Variants in MYO18B observed in about 807,000 individuals in gnomAD.
The protein encoded by MYO18B is unconventional myosin-XVIIIb.
A neutral mutation model predicts 273.0 loss-of-function variants in MYO18B; 204 were observed. The ratio of observed to expected loss-of-function variants is 0.75; its 90% CI spans 0.67 to 0.84. The LOEUF (loss-of-function observed/expected upper bound fraction) is 0.84, where lower values mean the gene tolerates loss of function less well. Among genes scored for constraint, MYO18B ranks in the 40% least tolerant of loss-of-function variants. The pLI, the probability that MYO18B is intolerant of heterozygous loss-of-function variation, is 0.00. For synonymous variants in MYO18B, 1,330 were observed against 1,305.7 expected (o/e 1.02, Z -0.40); for missense variants, 3,212 against 3,287.6 (o/e 0.98, Z 0.56).
chr22:25,755,211 T>G (rs1601597552), intron 1 of MYO18B, among the ~76,000 whole-genome samples: 1 of 152,218 alleles, frequency 6.6e-6, no homozygotes, highest in East Asian at 1.9e-4. Flanking sequence ...AAATTTTATT[T>G]TATTTTTTTT....
intron 28 of MYO18B, chr22:25,897,935 AATCCTCACAT>A (rs2091845654): frequency 5.7e-6 from 1 of 175,726 alleles, no homozygotes; most frequent in South Asian, 1.6e-4. Context: ...CTCTGTGGCT[AATCCTCACAT>A]ATCCCTTCTG....
intron 29 of MYO18B, 140 bp downstream of exon 29, chr22:25,898,601 C>T (rs2091864136): frequency 1.2e-6 from 1 of 843,376 alleles, no homozygotes; most frequent in Admixed American, 2.7e-5. Flanking sequence ...TGTCCCGTCA[C>T]ACCTTATTCC....
the MYO18B span, among the ~76,000 whole-genome samples, chr22:26,040,463 A>G: frequency 6.6e-6 from 1 of 152,164 alleles, no homozygotes; most frequent in East Asian, 1.9e-4. Flanking sequence ...TTTACATGAT[A>G]GTTGGGGGTG....
chr22:25,806,278 C>A (rs1405101777), intron 12 of MYO18B, among the ~76,000 whole-genome samples: 1 of 152,208 alleles, frequency 6.6e-6, no homozygotes, highest in Non-Finnish European at 1.5e-5. Flanking sequence ...CACTGAACGA[C>A]AACCACTCGG....
At chr22:25,790,111 C>G (rs1209831841) in intron 11 of MYO18B, among the ~76,000 whole-genome samples, 7 of 152,176 alleles carry the variant, frequency 4.6e-5, no homozygotes. Flanking sequence ...CGAGATTGCG[C>G]CACTGCACTC....
intron 12 of MYO18B, among the ~76,000 whole-genome samples, chr22:25,801,682 G>A (rs1332550043): frequency 6.6e-6 from 1 of 152,182 alleles, no homozygotes; most frequent in African/African-American, 2.4e-5. Context: ...ACCTTCCAGA[G>A]TGGGGTTTGG....
rs576889690 is a variant in MYO18B at position 25,762,347 on chromosome 22, T to C, written c.40-884T>C. On this transcript the variant is annotated intron_variant, in intron 2 of 43. Transcript: ENST00000335473. ...ACACACAGCAAGTCTTTACCATACA[T>C]GCACAGAGGTTCTTGATAAGGAGGC... is the stretch of plus-strand genomic sequence containing the variant. 6.6e-5 allele frequency among the ~76,000 whole-genome samples: 10 copies of C among 152,368 alleles called. No individual in the cohort carries two copies. In the East Asian group the frequency reaches 1.9e-3, roughly 29 times the overall value.
At position 26,023,723 on chromosome 22, in the gene MYO18B, G is replaced by C. The variant is rs1002674018; in HGVS notation, c.6471-2722G>C. Among the ~76,000 whole-genome samples the C allele has an allele frequency of 5.7e-4, 86 of 152,160 alleles. 1 individual carries two copies. The highest frequency in any genetic ancestry group is 5.6e-3 in the Admixed American group (86 of 15,286). On this transcript the variant is annotated intron_variant, in intron 42 of 43. Transcript: ENST00000335473. ...TCCAAGACACTCATTCATCACACCC[G>C]CCTCCTTTCAGGGCCAGGACAGGAT...
rs756954119 is a variant in MYO18B at position 25,902,583 on chromosome 22, G to C, written c.4824-30G>C. 17 of 1,596,256 alleles carry C rather than the reference G, an allele frequency of 1.1e-5. No homozygotes were observed. In the Admixed American group the frequency reaches 2.9e-4, roughly 27 times the overall value. ...TCACTCCCCTGCCCACCTGCCTACG[G>C]GGCCCTGACACGTGCTCTGCTTTGC... On this transcript the variant is annotated intron_variant, in intron 29 of 43. Coordinates refer to ENST00000335473, the MANE Select transcript of MYO18B (RefSeq NM_032608.7).
At chr22:25,745,759 A>G (rs984719020) in intron 1 of MYO18B, among the ~76,000 whole-genome samples, 1 of 152,192 alleles carries the variant, frequency 6.6e-6, no homozygotes, top group African/African-American at 2.4e-5. Context: ...TTCAAGGTTC[A>G]GGGTTTCAAG....
At chr22:25,889,493 G>A (rs569045795) in intron 25 of MYO18B, among the ~76,000 whole-genome samples, 17 of 152,180 alleles carry the variant, frequency 1.1e-4, no homozygotes, top group Admixed American at 1.0e-3. Context: ...CTCCAGAGCA[G>A]GAGGGAATGT....
intron 6 of MYO18B, among the ~76,000 whole-genome samples, chr22:25,771,651 C>T (rs984771738): frequency 2.0e-5 from 3 of 152,154 alleles, no homozygotes; most frequent in African/African-American, 4.8e-5. Context: ...CTTTCTCTCC[C>T]GCGTTGGGCA....
At position 25,954,791 on chromosome 22, in the gene MYO18B, A is replaced by C. The variant is rs369352059; in HGVS notation, c.5971-388A>C. On this transcript the variant is annotated intron_variant, in intron 38 of 43. Transcript: ENST00000335473. The stretch of plus-strand genomic sequence containing the variant: ...CAGTGGCGTGATCTTGGCTCACTAC[A>C]ACCTCCACCTCCCAGGTTCAGGCAA... Among the ~76,000 whole-genome samples, 29 of 152,150 alleles carry C rather than the reference A, an allele frequency of 1.9e-4. No homozygotes were observed. The East Asian group carries it at 5.0e-3, about 26-fold the overall frequency.
At chr22:25,811,168 T>G (rs980033220) in intron 12 of MYO18B, among the ~76,000 whole-genome samples, 18 of 150,728 alleles carry the variant, frequency 1.2e-4, no homozygotes, top group Admixed American at 1.1e-3. Flanking sequence ...TGGCCGCCAC[T>G]GTGCCCGGCT....
chr22:25,762,288 A>G (rs892783707), intron 2 of MYO18B, among the ~76,000 whole-genome samples: 2 of 152,154 alleles, frequency 1.3e-5, no homozygotes, highest in Admixed American at 6.5e-5. Context: ...GGCCTTTGCT[A>G]TCTCCTTTGA....
At chr22:25,743,874 G>T (rs528009163) in intron 1 of MYO18B, among the ~76,000 whole-genome samples, 1 of 152,158 alleles carries the variant, frequency 6.6e-6, no homozygotes, top group East Asian at 1.9e-4. Flanking sequence ...TTGAAGTGAC[G>T]GTCGTTGACG....
chr22:25,774,951 A>C (rs920302598), intron 7 of MYO18B, among the ~76,000 whole-genome samples: 4 of 152,256 alleles, frequency 2.6e-5, no homozygotes, highest in African/African-American at 9.6e-5. Flanking sequence ...CTACAAGCAC[A>C]CTTCTGTGCA....
rs554871375 is a variant in MYO18B, at chr22:25,868,639, A to G, written c.3951+254A>G. 1.1e-4 allele frequency among the ~76,000 whole-genome samples: 16 copies of G among 152,308 alleles called. No individual in the cohort carries two copies. The South Asian group carries it at 3.3e-3, about 32-fold the overall frequency. ...CTCCTGGGGACCCCAAGTGGTTTGG[A>G]GGAATTAGCATTCTGGTCCTCAAGA... On this transcript the variant is annotated intron_variant, in intron 22 of 43. Transcript: ENST00000335473.
downstream of MYO18B, among the ~76,000 whole-genome samples, chr22:26,032,995 G>T (rs1936701513): frequency 6.6e-6 from 1 of 151,884 alleles, no homozygotes; most frequent in Non-Finnish European, 1.5e-5. Flanking sequence ...CATACAGAAT[G>T]AATATTATTA....
Sources: allele counts gnomAD v4.1 joint callset (sites outside exome capture counted in the v4.1 genomes callset), GRCh38; gene constraint gnomAD v4.1.1; transcripts MANE v1.5; gene names NCBI Gene and HGNC (gene_info 2026-07-23, HGNC 2026-07-21).